The following APBA2 variants were observed in gnomAD, a reference collection of about 807,000 sequenced individuals.
APBA2 encodes the protein amyloid beta precursor protein binding family A member 2.
In APBA2, 30 loss-of-function variants were observed where a neutral mutation model predicts 75.0. The ratio of observed to expected loss-of-function variants is 0.40; its 90% CI spans 0.30 to 0.54. The LOEUF (loss-of-function observed/expected upper bound fraction) is 0.54. Ranked by LOEUF, APBA2 falls within the 20% of genes least tolerant of loss-of-function variation. APBA2 has a pLI of 0.49. For synonymous variants in APBA2, 444 were observed against 409.6 expected (o/e 1.08, Z -1.01); for missense variants, 801 against 1,016.1 (o/e 0.79, Z 2.88).
At chr15:29,030,096 C>T (rs895033857) in intron 3 of APBA2, among the ~76,000 whole-genome samples, 1 of 152,138 alleles carries the variant, frequency 6.6e-6, no homozygotes, top group Non-Finnish European at 1.5e-5. Flanking sequence ...CCGGGAACTG[C>T]GGGAACCGTT....
At position 29,115,107 on chromosome 15, in the gene APBA2, G is replaced by C. The variant is rs189998059; in HGVS notation, c.2178+1091G>C. Among the ~76,000 whole-genome samples the C allele has an allele frequency of 4.3e-3, 651 of 152,132 alleles. 9 individuals carry two copies. The highest frequency in any genetic ancestry group is 0.015 in the African/African-American group (609 of 41,504). On this transcript the variant is annotated intron_variant, in intron 14 of 14. Transcript: ENST00000683413. The stretch of plus-strand genomic sequence containing the variant: ...CACGAGGCGGGAGGCTGAGAGCTGA[G>C]GAGCCCGGCCTACAGAGGGGCCCGC...
intron 10 of APBA2, among the ~76,000 whole-genome samples, chr15:29,104,353 C>T (rs1282896896): frequency 1.3e-5 from 2 of 152,212 alleles, no homozygotes; most frequent in Non-Finnish European, 2.9e-5. Context: ...TCACCAAGGC[C>T]GCCAAGAGCC....
intron 9 of APBA2, among the ~76,000 whole-genome samples, chr15:29,100,681 A>G (rs1311740651): frequency 6.6e-6 from 1 of 152,198 alleles, no homozygotes; most frequent in African/African-American, 2.4e-5. Context: ...TTGAATGACA[A>G]ACATTGGCCT....
At chr15:29,083,864 A>T (rs1170457774) in intron 6 of APBA2, among the ~76,000 whole-genome samples, 2 of 152,178 alleles carry the variant, frequency 1.3e-5, no homozygotes, top group Non-Finnish European at 2.9e-5. Context: ...TTTATTAGGC[A>T]TGCTTAAAGT....
rs2041734892 is a variant in APBA2, at chr15:29,053,926, GGACC to G, written c.43_46del (p.Asp15IlefsTer3). 1 of 1,613,566 alleles carries G rather than the reference GGACC, an allele frequency of 6.2e-7. No individual in the cohort carries two copies. The highest frequency in any genetic ancestry group is 1.3e-5 in the African/African-American group (1 of 74,902). On this transcript the variant is annotated frameshift_variant, in exon 4 of 15. Transcript: ENST00000683413. LOFTEE classifies it high-confidence loss of function. ...TTGAGAGCGTGGGGAGCGGCATGTT[GGACC>G]ATAGGGTGAGACCAGGTCCTGTCCC...
In APBA2 at chr15:29,113,912, G is replaced by C; in HGVS notation, c.2074G>C (p.Gly692Arg). ...SLMRGGIAERGGVRVGHRIIE... is the reference protein window; with the variant it reads ...SLMRGGIAERRGVRVGHRIIE... ...CATGAGAGGGGGCATTGCTGAGCGA[G>C]GGGGCGTCCGTGTGGGCCACCGCAT... Residue 692 changes from glycine to arginine, a missense_variant, in exon 14 of 15, where the codon GGG becomes CGG. Coordinates refer to ENST00000683413, the MANE Select transcript of APBA2 (RefSeq NM_001353788.2). The C allele has an allele frequency of 6.2e-7, 1 of 1,613,004 alleles. No homozygotes were observed. Among genetic ancestry groups the C allele is most frequent in the Non-Finnish European group, 8.5e-7 (1 of 1,180,020 alleles).
chr15:29,069,248 T>C (rs564706758), intron 4 of APBA2, among the ~76,000 whole-genome samples: 2 of 152,354 alleles, frequency 1.3e-5, no homozygotes, highest in Non-Finnish European at 1.5e-5. Context: ...ATTTTATTAA[T>C]CCACTCATCC....
chr15:29,015,846 A>G (rs2039631466), intron 3 of APBA2, among the ~76,000 whole-genome samples: 1 of 152,014 alleles, frequency 6.6e-6, no homozygotes, highest in African/African-American at 2.4e-5. Context: ...CAGCCATGTG[A>G]CCCGGGGCAG....
chr15:29,101,396 T>C (rs2044115512), intron 9 of APBA2, among the ~76,000 whole-genome samples: 1 of 152,028 alleles, frequency 6.6e-6, no homozygotes, highest in South Asian at 2.1e-4. Context: ...CGCCCAACTA[T>C]TTATTTTATA....
intron 2 of APBA2, among the ~76,000 whole-genome samples, chr15:28,952,517 C>G (rs79912963): frequency 0.03 from 4,632 of 152,200 alleles, 243 homozygotes; most frequent in African/African-American, 0.11. Context: ...GGCTAACAGA[C>G]CAAGACTCTG....
intron 2 of APBA2, among the ~76,000 whole-genome samples, chr15:28,954,530 C>T (rs901545950): frequency 6.6e-6 from 1 of 152,122 alleles, no homozygotes; most frequent in Admixed American, 6.6e-5. Flanking sequence ...AGCTGGTAAC[C>T]CCCCACCATG....
intron 1 of APBA2, among the ~76,000 whole-genome samples, chr15:28,899,718 G>C (rs890021406): frequency 2.6e-5 from 4 of 152,234 alleles, no homozygotes; most frequent in African/African-American, 7.2e-5. Context: ...CTATCTGCGG[G>C]CTGTTTCCGA....
intron 2 of APBA2, among the ~76,000 whole-genome samples, chr15:28,984,159 A>T (rs2037773108): frequency 1.3e-5 from 2 of 151,832 alleles, no homozygotes; most frequent in Admixed American, 6.6e-5. Context: ...CCTGCCCTGG[A>T]GGGGCTCACA....
chr15:28,981,356 G>C (rs1229394272), intron 2 of APBA2, among the ~76,000 whole-genome samples: 1 of 152,144 alleles, frequency 6.6e-6, no homozygotes, highest in African/African-American at 2.4e-5. Flanking sequence ...GACATGAACA[G>C]ACACTTCTCA....
intron 2 of APBA2, chr15:28,990,436 A>C (rs1468274588): frequency 6.6e-6 from 1 of 151,850 alleles, no homozygotes; most frequent in Non-Finnish European, 1.5e-5. Context: ...GCCCCACTGC[A>C]AGGAGCTCCT....
chr15:28,957,836 C>A (rs117025262), intron 2 of APBA2, among the ~76,000 whole-genome samples: 253 of 152,316 alleles, frequency 1.7e-3, no homozygotes, highest in Non-Finnish European at 2.9e-3. Flanking sequence ...TTGGTGGCTT[C>A]TGTGGGAGCA....
chr15:29,108,139 GGGGAC>G lies in APBA2; in HGVS notation c.1918-130_1918-126del. ...CACAGAGGGGCTACCGAGGCTGAGA[GGGGAC>G]TGCCTGCCTCTCCCATTGTGTGTTC... On this transcript the variant is annotated intron_variant, in intron 12 of 14. Transcript: ENST00000683413. The G allele has an allele frequency of 3.0e-6, 4 of 1,345,988 alleles. No individual in the cohort carries two copies. In the South Asian group the frequency reaches 4.7e-5, roughly 16 times the overall value. The allele number at this position is 1,345,988 out of a possible 1,614,324, so 83.4% of individuals were successfully genotyped here.
intron 3 of APBA2, among the ~76,000 whole-genome samples, chr15:29,043,600 G>A (rs886646343): frequency 5.3e-5 from 8 of 152,160 alleles, no homozygotes; most frequent in African/African-American, 1.9e-4. Context: ...GTGTTTATTT[G>A]TTGTGAATAA....
Position 29,113,901 on chromosome 15 carries a change from T to C in APBA2, c.2063T>C (p.Ile688Thr), listed in dbSNP as rs761863849. ...GIICSLMRGG[I>T]AERGGVRVGH... ...ATCTGCAGCCTCATGAGAGGGGGCA[T>C]TGCTGAGCGAGGGGGCGTCCGTGTG... is the stretch of plus-strand genomic sequence containing the variant. Residue 688 changes from isoleucine (I) to threonine (T), a missense_variant, in exon 14 of 15, where the codon ATT (isoleucine) becomes ACT (threonine). By Grantham distance (89) the Ile-to-Thr change is moderately conservative. This residue lies in a region of APBA2 where 367 missense variants were observed against 544.5 expected (regional missense o/e 0.67). Coordinates refer to ENST00000683413, the MANE Select transcript of APBA2 (RefSeq NM_001353788.2). 1 of 1,612,538 alleles carries C rather than the reference T, an allele frequency of 6.2e-7. No homozygotes were observed. The highest frequency in any genetic ancestry group is 8.5e-7 in the Non-Finnish European group (1 of 1,179,986).
Sources: gnomAD v4.1 joint callset for allele counts (sites outside exome capture counted in the v4.1 genomes callset) on GRCh38, gnomAD v4.1.1 for gene constraint, gnomAD v4.1.1 regional missense constraint, MANE v1.5 for transcripts, NCBI Gene and HGNC (gene_info 2026-07-23, HGNC 2026-07-21) for gene names.